The following SETBP1 variants were observed in gnomAD, a reference collection of about 807,000 sequenced individuals.
SETBP1 encodes the protein SET binding protein 1, also known as SET-binding protein.
Under a neutral mutation model 101.0 loss-of-function variants are expected in SETBP1, and 9 were observed. The ratio of observed to expected loss-of-function variants is 0.09; its 90% CI spans 0.05 to 0.16. The LOEUF (loss-of-function observed/expected upper bound fraction) is 0.16, where lower values mean the gene tolerates loss of function less well. Ranked by LOEUF, SETBP1 falls within the 10% of genes least tolerant of loss-of-function variation. The pLI is 1.00. For missense variants in SETBP1, 1,858 were observed against 2,033.8 expected (o/e 0.91, Z 1.66); for synonymous variants, 818 against 788.5 (o/e 1.04, Z -0.63).
Position 44,761,775 on chromosome 18 carries a change from G to A in SETBP1, c.486+59943G>A, listed in dbSNP as rs189861596. 2.4e-3 allele frequency among the ~76,000 whole-genome samples: 373 copies of A among 152,300 alleles called. 1 individual carries two copies. The highest frequency in any genetic ancestry group is 0.024 in the Middle Eastern group (7 of 294). ...GTAATCATTGTTGTATATGAGCCTC[G>A]TGATAACCAAAGGAATTAGGCAGAA... On this transcript the variant is annotated intron_variant, in intron 2 of 5. Transcript: ENST00000649279.
At chr18:44,818,709 C>T (rs919014866) in intron 2 of SETBP1, among the ~76,000 whole-genome samples, 2 of 151,490 alleles carry the variant, frequency 1.3e-5, no homozygotes, top group African/African-American at 2.4e-5. Flanking sequence ...TTTATAAAAA[C>T]AATTTGAGAT....
chr18:44,803,305 G>T (rs1181687149), intron 2 of SETBP1, among the ~76,000 whole-genome samples: 1 of 152,094 alleles, frequency 6.6e-6, no homozygotes, highest in Non-Finnish European at 1.5e-5. Flanking sequence ...CAGGCCCTTG[G>T]CACGGCTGTT....
chr18:45,042,020 A>G (rs2073517745), intron 5 of SETBP1, among the ~76,000 whole-genome samples: 1 of 152,186 alleles, frequency 6.6e-6, no homozygotes, highest in South Asian at 2.1e-4. Context: ...AGTTCCTGAC[A>G]CATAGTACAT....
At chr18:44,776,011 G>A (rs568656485) in intron 2 of SETBP1, among the ~76,000 whole-genome samples, 8 of 152,268 alleles carry the variant, frequency 5.3e-5, no homozygotes, top group African/African-American at 1.7e-4. Context: ...GGACAGAGCC[G>A]TTTTAACGTA....
At chr18:44,849,600 C>T (rs932191737) in intron 2 of SETBP1, among the ~76,000 whole-genome samples, 20 of 152,000 alleles carry the variant, frequency 1.3e-4, no homozygotes, top group Admixed American at 9.2e-4. Context: ...ACATCCGTGA[C>T]GCCCTCTCTG....
intron 5 of SETBP1, among the ~76,000 whole-genome samples, chr18:45,050,553 T>A (rs974733897): frequency 2.0e-5 from 3 of 152,254 alleles, no homozygotes; most frequent in African/African-American, 7.2e-5. Context: ...GATACCTCTT[T>A]AAACTAAAAG....
In SETBP1 at chr18:44,938,928, C is replaced by T. The variant is rs565683194; in HGVS notation, c.541-10953C>T. Among the ~76,000 whole-genome samples the T allele has an allele frequency of 1.0e-3, 156 of 150,782 alleles. 1 individual carries two copies. The highest frequency in any genetic ancestry group is 1.9e-3 in the Non-Finnish European group (132 of 67,812). ...TTTCACTGGAAAGAAAAGGCCCCTGCTTTCTGCTGCTTGGCTTTGGAGTGT... is the reference window on the plus strand; with the variant it reads ...TTTCACTGGAAAGAAAAGGCCCCTGTTTTCTGCTGCTTGGCTTTGGAGTGT... On this transcript the variant is annotated intron_variant, in intron 3 of 5. Coordinates refer to ENST00000649279, the MANE Select transcript of SETBP1 (RefSeq NM_015559.3).
chr18:44,842,014 G>A (rs1428147491), intron 2 of SETBP1, among the ~76,000 whole-genome samples: 1 of 152,238 alleles, frequency 6.6e-6, no homozygotes, highest in Non-Finnish European at 1.5e-5. Flanking sequence ...CATAAATATG[G>A]GTGACATGCT....
At chr18:44,711,809 G>A (rs2069353952) in intron 2 of SETBP1, among the ~76,000 whole-genome samples, 1 of 151,612 alleles carries the variant, frequency 6.6e-6, no homozygotes, top group Non-Finnish European at 1.5e-5. Flanking sequence ...TGAAGTGCTG[G>A]GATTACAGGC....
intron 2 of SETBP1, among the ~76,000 whole-genome samples, chr18:44,763,005 G>A (rs1343068238): frequency 6.6e-6 from 1 of 152,170 alleles, no homozygotes; most frequent in Non-Finnish European, 1.5e-5. Flanking sequence ...TTAGCAGGAG[G>A]CAAACACTAA....
At chr18:44,990,623 A>C (rs2072346565) in intron 4 of SETBP1, among the ~76,000 whole-genome samples, 1 of 151,308 alleles carries the variant, frequency 6.6e-6, no homozygotes, top group Non-Finnish European at 1.5e-5. Context: ...ACAAACAAAA[A>C]ACAAACAAAC....
At chr18:44,865,399 G>A (rs1484300351) in intron 2 of SETBP1, among the ~76,000 whole-genome samples, 1 of 152,138 alleles carries the variant, frequency 6.6e-6, no homozygotes, top group Non-Finnish European at 1.5e-5. Context: ...CAGCAGAGGT[G>A]GCTCCTGAGC....
chr18:44,979,423 C>T (rs948122766), intron 4 of SETBP1, among the ~76,000 whole-genome samples: 2 of 152,074 alleles, frequency 1.3e-5, no homozygotes, highest in Non-Finnish European at 1.5e-5. Context: ...TCGTTCAGTT[C>T]GATGCTCAAT....
At chr18:44,906,812 G>C (rs1599304686) in intron 3 of SETBP1, among the ~76,000 whole-genome samples, 1 of 152,300 alleles carries the variant, frequency 6.6e-6, no homozygotes, top group Non-Finnish European at 1.5e-5. Context: ...GTATGACCTT[G>C]ATAATGCTCT....
intron 2 of SETBP1, among the ~76,000 whole-genome samples, chr18:44,762,138 C>CT (rs55990761): frequency 0.34 from 50,805 of 149,148 alleles, 9,022 homozygotes; most frequent in Non-Finnish European, 0.41. Flanking sequence ...CTTCTAAACA[C>CT]TTTTTTTTTT....
intron 4 of SETBP1, among the ~76,000 whole-genome samples, chr18:44,981,537 G>T (rs373370713): frequency 6.6e-6 from 1 of 152,208 alleles, no homozygotes; most frequent in Non-Finnish European, 1.5e-5. Flanking sequence ...TCTGCAGATT[G>T]CACAATATAG....
intron 4 of SETBP1, among the ~76,000 whole-genome samples, chr18:44,957,333 A>G (rs1202343933): frequency 6.6e-6 from 1 of 152,122 alleles, no homozygotes; most frequent in Admixed American, 6.6e-5. Flanking sequence ...AACTTATGCC[A>G]GATACTGAGA....
intron 4 of SETBP1, among the ~76,000 whole-genome samples, chr18:45,013,830 G>A (rs1352945569): frequency 6.6e-6 from 1 of 152,136 alleles, no homozygotes; most frequent in Non-Finnish European, 1.5e-5. Context: ...AAGCTCTGAC[G>A]GTTGTGGTTG....
chr18:44,906,397 G>A (rs1323025732), intron 3 of SETBP1, among the ~76,000 whole-genome samples: 1 of 152,182 alleles, frequency 6.6e-6, no homozygotes, highest in Non-Finnish European at 1.5e-5. Context: ...ACCTTTTGGT[G>A]TAGCTAGTAC....
Sources: gnomAD v4.1 joint callset for allele counts (sites outside exome capture counted in the v4.1 genomes callset) on GRCh38, gnomAD v4.1.1 for gene constraint, MANE v1.5 for transcripts, NCBI Gene and HGNC (gene_info 2026-07-23, HGNC 2026-07-21) for gene names.